The following SUGT1 variants were observed in gnomAD, a reference collection of about 807,000 sequenced individuals.
SUGT1 encodes the protein SGT1 assembly cochaperone of MIS12 kinetochore complex.
Under a neutral mutation model 56.1 loss-of-function variants are expected in SUGT1, and 15 were observed. The observed-to-expected ratio is 0.27, with a 90% CI of 0.18 to 0.41. The LOEUF (loss-of-function observed/expected upper bound fraction) is 0.41, where lower values mean the gene tolerates loss of function less well. SUGT1 is among the 10% of genes least tolerant of loss of function. The pLI, the probability that SUGT1 is intolerant of heterozygous loss-of-function variation, is 1.00. For missense variants in SUGT1, 347 were observed against 382.2 expected, an observed-to-expected ratio of 0.91 and a Z score of 0.77; for synonymous variants, 123 against 128.6, an observed-to-expected ratio of 0.96 and a Z score of 0.30.
At chr13:52,673,659 A>G (rs1244019939) in intron 10 of SUGT1, among the ~76,000 whole-genome samples, 10 of 152,210 alleles carry the variant, frequency 6.6e-5, no homozygotes, top group Non-Finnish European at 2.9e-5. Flanking sequence ...GGAACTTTTT[A>G]TAGACAGTAT....
Position 52,679,566 on chromosome 13 carries a change from A to T in SUGT1, c.719-408A>T, listed in dbSNP as rs543585351. 5.0e-3 allele frequency among the ~76,000 whole-genome samples: 528 copies of T among 104,654 alleles called. 4 individuals carry two copies. The highest frequency in any genetic ancestry group is 0.013 in the Admixed American group (107 of 8,392). The allele number at this position is 104,654 out of a possible 152,430, so 68.7% of individuals were successfully genotyped here. A position where few individuals can be genotyped will look rare whatever the true frequency, so the allele number is the denominator to read the frequency against. On this transcript the variant is annotated intron_variant, in intron 11 of 12. Transcript: ENST00000310528. ...TTTATTAAAATCTTAGTTACAAAAGATTTCTTAGGCATCCTTTAAAAAATT... is the reference window on the plus strand; with the variant it reads ...TTTATTAAAATCTTAGTTACAAAAGTTTTCTTAGGCATCCTTTAAAAAATT...
chr13:52,670,937 C>T (rs1248707911), intron 10 of SUGT1, among the ~76,000 whole-genome samples: 2 of 152,024 alleles, frequency 1.3e-5, no homozygotes, highest in Admixed American at 6.5e-5. Flanking sequence ...ATATAAAATA[C>T]GAAGGCCTGG....
chr13:52,657,617 A>G lies in SUGT1; in HGVS notation c.182A>G (p.Tyr61Cys). ...RAYCHILLGNYCVAVADAKKS... is the reference protein window; with the variant it reads ...RAYCHILLGNCCVAVADAKKS... ...TATTGTCACATTCTTCTTGGGAATT[A>G]CTGTGGTAACGTTTCTTATAAAGTA... The change falls in exon 3 of 13, where the codon TAC becomes TGC. Residue 61 changes from tyrosine to cysteine, a missense_variant. Tyr to Cys is a radical substitution (Grantham distance 194). Coordinates refer to ENST00000310528, the MANE Select transcript of SUGT1 (RefSeq NM_006704.5). The G allele has an allele frequency of 6.2e-7, 1 of 1,612,796 alleles. No homozygotes were observed. The highest frequency in any genetic ancestry group is 8.5e-7 in the Non-Finnish European group (1 of 1,179,186).
chr13:52,667,454 C>T (rs557140882), intron 10 of SUGT1, among the ~76,000 whole-genome samples: 1 of 152,198 alleles, frequency 6.6e-6, no homozygotes, highest in Admixed American at 6.5e-5. Flanking sequence ...AAGTGATTCT[C>T]CTGCTTCAGC....
rs141277480 is a variant in SUGT1, at chr13:52,654,950, C to A, written c.96+1847C>A. Among the ~76,000 whole-genome samples, 25 of 152,274 alleles carry A rather than the reference C, an allele frequency of 1.6e-4. No individual in the cohort carries two copies. The East Asian group carries it at 4.6e-3, about 28-fold the overall frequency. ...CATGCATTTCTTTTGGTTGTATGTA[C>A]CTAGGAGAAGAATTGCCTAGGATAG... On this transcript the variant is annotated intron_variant, in intron 2 of 12. Coordinates refer to ENST00000310528, the MANE Select transcript of SUGT1 (RefSeq NM_006704.5).
intron 12 of SUGT1, chr13:52,687,041 A>G (rs1331047779): frequency 3.4e-5 from 4 of 116,620 alleles, no homozygotes; most frequent in African/African-American, 3.3e-5. Context: ...ATTGCACTCC[A>G]GCCTGGGCAA....
At chr13:52,682,299 A>G (rs544664842) in intron 12 of SUGT1, among the ~76,000 whole-genome samples, 16 of 152,286 alleles carry the variant, frequency 1.1e-4, no homozygotes, top group African/African-American at 3.8e-4. Context: ...CCTGGGCTCA[A>G]GTGATCCTTA....
In SUGT1 at chr13:52,693,324, T is replaced by C. The variant is rs1038874321; in HGVS notation, c.*5489T>C. ...ACCTAAAGGTAATTTTCAGTTTCTT[T>C]AGAAGGAGTTAGGAAAATGGTCCTT... is the stretch of plus-strand genomic sequence containing the variant. On this transcript the variant is annotated 3_prime_UTR_variant, in exon 13 of 13. Coordinates refer to ENST00000310528, the MANE Select transcript of SUGT1 (RefSeq NM_006704.5). The C allele has an allele frequency of 3.3e-5, 5 of 152,230 alleles. No individual in the cohort carries two copies. Among genetic ancestry groups the C allele is most frequent in the Non-Finnish European group, 7.3e-5 (5 of 68,040 alleles). The allele number at this position is 152,230 out of a possible 1,614,324, so 9.4% of individuals were successfully genotyped here.
chr13:52,688,535 A>G lies in SUGT1; in HGVS notation c.*700A>G, dbSNP rs929854239. 3 of 152,036 alleles carry G rather than the reference A, an allele frequency of 2.0e-5. No individual in the cohort carries two copies. Among genetic ancestry groups the G allele is most frequent in the African/African-American group, 4.8e-5 (2 of 41,394 alleles). 9.4% of individuals were successfully genotyped at this position (152,036 alleles called of 1,614,324 possible). A position where few individuals can be genotyped will look rare whatever the true frequency, so the allele number is the denominator to read the frequency against. ...GCAAAGAAGGTTCTAGGAAAGCCCA[A>G]CTCCACTTGCTTCTTTTATCACGAC... On this transcript the variant is annotated 3_prime_UTR_variant, in exon 13 of 13. Transcript: ENST00000310528.
intron 12 of SUGT1, among the ~76,000 whole-genome samples, chr13:52,683,785 A>G (rs1294899065): frequency 2.0e-5 from 3 of 152,124 alleles, no homozygotes; most frequent in South Asian, 2.1e-4. Flanking sequence ...GACTGTTCCA[A>G]TTATCTATTT....
At chr13:52,686,124 C>G (rs1432591775) in intron 12 of SUGT1, among the ~76,000 whole-genome samples, 1 of 151,938 alleles carries the variant, frequency 6.6e-6, no homozygotes, top group Non-Finnish European at 1.5e-5. Context: ...GATGGAGTTT[C>G]ACCACGTTGG....
intron 2 of SUGT1, among the ~76,000 whole-genome samples, chr13:52,656,904 T>C (rs1160426924): frequency 6.6e-6 from 1 of 152,230 alleles, no homozygotes; most frequent in East Asian, 1.9e-4. Flanking sequence ...ACCTATATGT[T>C]GTGACTGCAC....
At chr13:52,662,541 T>G in intron 5 of SUGT1, 108 bp from the exon 6 acceptor site, 1 of 1,031,356 alleles carries the variant, frequency 9.7e-7, no homozygotes, top group Non-Finnish European at 1.4e-6. Context: ...CGCTGCCGAC[T>G]CCCCAGTGCC....
chr13:52,683,454 A>G lies in SUGT1; in HGVS notation c.900+3299A>G, dbSNP rs1354110789. Among the ~76,000 whole-genome samples, 4 of 152,198 alleles carry G rather than the reference A, an allele frequency of 2.6e-5. No homozygotes were observed. In the East Asian group the frequency reaches 5.8e-4, roughly 22 times the overall value. Reference sequence around the variant, plus strand: ...TTTTCAAGTATTGAGACAGTCTTGCATGAGCCCTACTTTGTCATATAGTGT... The same window carrying G: ...TTTTCAAGTATTGAGACAGTCTTGCGTGAGCCCTACTTTGTCATATAGTGT... On this transcript the variant is annotated intron_variant, in intron 12 of 12. Coordinates refer to ENST00000310528, the MANE Select transcript of SUGT1 (RefSeq NM_006704.5).
intron 12 of SUGT1, chr13:52,687,378 A>ATT (rs35928701): frequency 1.6e-4 from 24 of 153,290 alleles, no homozygotes; most frequent in East Asian, 5.7e-4. Context: ...TATAATAATC[A>ATT]TTTTTTTTGG....
At chr13:52,657,652 C>G (rs1352971749) in intron 3 of SUGT1, 30 bp downstream of exon 3, 1 of 1,569,284 alleles carries the variant, frequency 6.4e-7, no homozygotes, top group Admixed American at 1.8e-5. Flanking sequence ...ATATTGCCCC[C>G]TTTTAATAAG....
chr13:52,664,588 C>A (rs1271208557), intron 8 of SUGT1, among the ~76,000 whole-genome samples: 1 of 152,140 alleles, frequency 6.6e-6, no homozygotes, highest in African/African-American at 2.4e-5. Flanking sequence ...TGATCTGGAG[C>A]TTTGCATCCT....
At chr13:52,661,762 A>T (rs905781833) in intron 5 of SUGT1, among the ~76,000 whole-genome samples, 6 of 152,218 alleles carry the variant, frequency 3.9e-5, no homozygotes, top group Non-Finnish European at 7.3e-5. Flanking sequence ...TTTTGATACA[A>T]TAGTTCTCTA....
chr13:52,665,140 C>T (rs1453157849), intron 8 of SUGT1, among the ~76,000 whole-genome samples: 2 of 152,138 alleles, frequency 1.3e-5, no homozygotes, highest in African/African-American at 4.8e-5. Context: ...GTTTTGTGTG[C>T]TCAAGTCTAT....
Sources: gnomAD v4.1 joint callset for allele counts (sites outside exome capture counted in the v4.1 genomes callset) on GRCh38, gnomAD v4.1.1 for gene constraint, MANE v1.5 for transcripts, NCBI Gene and HGNC (gene_info 2026-07-23, HGNC 2026-07-21) for gene names.